Variants in ERC1 observed in about 807,000 individuals in gnomAD.
ERC1 encodes RAB6 interacting protein 2.
ERC1 carries 56 observed loss-of-function variants against 132.0 expected under a neutral mutation model. The observed-to-expected ratio is 0.42, with a 90% CI of 0.34 to 0.53. The LOEUF (loss-of-function observed/expected upper bound fraction) is 0.53. ERC1 is among the 20% of genes least tolerant of loss of function. The pLI is 0.03. For synonymous variants in ERC1, 478 were observed against 476.1 expected (o/e 1.00, Z -0.05); for missense variants, 1,202 against 1,349.9 (o/e 0.89, Z 1.72).
chr12:1,023,184 A>G (rs1011320249), intron 1 of ERC1, among the ~76,000 whole-genome samples: 1 of 152,188 alleles, frequency 6.6e-6, no homozygotes, highest in Non-Finnish European at 1.5e-5. Flanking sequence ...AGTTGTTTTA[A>G]TTCAGGTAGG....
At chr12:1,280,757 C>G (rs1298280738) in intron 14 of ERC1, among the ~76,000 whole-genome samples, 1 of 152,230 alleles carries the variant, frequency 6.6e-6, no homozygotes, top group African/African-American at 2.4e-5. Flanking sequence ...CATACATACA[C>G]ATATTATACA....
At chr12:1,313,694 T>A (rs556166541) in intron 15 of ERC1, among the ~76,000 whole-genome samples, 5,265 of 151,276 alleles carry the variant, frequency 0.035, 98 homozygotes, top group Middle Eastern at 0.075. Context: ...ATTCTAAAAT[T>A]TTTTTTTTTG....
chr12:1,082,019 C>T (rs1005026681), intron 2 of ERC1, among the ~76,000 whole-genome samples: 2 of 113,942 alleles, frequency 1.8e-5, no homozygotes, highest in Non-Finnish European at 4.2e-5. Flanking sequence ...CGCTGTCCTT[C>T]GGTTTTGCTT....
intron 14 of ERC1, among the ~76,000 whole-genome samples, chr12:1,279,897 T>C (rs2078557587): frequency 6.6e-6 from 1 of 152,126 alleles, no homozygotes; most frequent in Non-Finnish European, 1.5e-5. Context: ...GGTTTCACCA[T>C]GTTGGCCAGG....
intron 2 of ERC1, among the ~76,000 whole-genome samples, chr12:1,065,214 T>C (rs959399635): frequency 6.6e-6 from 1 of 152,100 alleles, no homozygotes; most frequent in African/African-American, 2.4e-5. Flanking sequence ...ATGGCCAGGC[T>C]GGTCTCAAAC....
At chr12:1,183,119 G>C (rs370287822) in intron 10 of ERC1, among the ~76,000 whole-genome samples, 162 bp from the exon 11 acceptor site, 7 of 152,280 alleles carry the variant, frequency 4.6e-5, no homozygotes, top group African/African-American at 1.7e-4. Context: ...TTGAAAGCTA[G>C]AGCTAATATT....
chr12:1,099,679 A>G (rs1197884523), intron 3 of ERC1, among the ~76,000 whole-genome samples: 1 of 152,188 alleles, frequency 6.6e-6, no homozygotes, highest in Non-Finnish European at 1.5e-5. Context: ...AGAGAATAAA[A>G]AAGAAAAATT....
intron 17 of ERC1, among the ~76,000 whole-genome samples, chr12:1,440,323 GCCTC>G (rs1440769240): frequency 6.9e-6 from 1 of 145,134 alleles, no homozygotes; most frequent in East Asian, 2.1e-4. Context: ...TCCTGCCTCA[GCCTC>G]CCGAGTAGCT....
intron 8 of ERC1, among the ~76,000 whole-genome samples, chr12:1,171,254 G>A (rs762430535): frequency 7.9e-5 from 12 of 151,640 alleles, no homozygotes; most frequent in Non-Finnish European, 1.3e-4. Context: ...TTAAAACATT[G>A]CTTAGAGTTT....
At chr12:1,209,796 G>A (rs961625819) in intron 12 of ERC1, among the ~76,000 whole-genome samples, 19 of 152,246 alleles carry the variant, frequency 1.2e-4, no homozygotes, top group Middle Eastern at 3.4e-3. Context: ...GTGAGTTAAC[G>A]TTTTTCAAAT....
At chr12:1,355,364 G>C (rs1270387516) in intron 15 of ERC1, among the ~76,000 whole-genome samples, 7 of 151,690 alleles carry the variant, frequency 4.6e-5, no homozygotes, top group Non-Finnish European at 2.9e-5. Flanking sequence ...GCCATTCTTT[G>C]CTCATGGGCC....
At chr12:1,195,909 C>A (rs1956188569) in intron 12 of ERC1, among the ~76,000 whole-genome samples, 1 of 123,900 alleles carries the variant, frequency 8.1e-6, no homozygotes, top group Non-Finnish European at 1.6e-5. Flanking sequence ...TGGAAGCAAT[C>A]ATTTTGAAAA....
intron 12 of ERC1, among the ~76,000 whole-genome samples, chr12:1,218,941 C>T (rs1051744123): frequency 3.3e-5 from 5 of 151,954 alleles, no homozygotes; most frequent in African/African-American, 1.2e-4. Context: ...GGTGCCATCT[C>T]AGCTCACTGC....
intron 8 of ERC1, chr12:1,152,131 C>G (rs1245337564): frequency 1.3e-5 from 2 of 149,878 alleles, no homozygotes; most frequent in Non-Finnish European, 3.0e-5. Context: ...ACCTGGGAGG[C>G]GGAGGTTGCA....
intron 15 of ERC1, among the ~76,000 whole-genome samples, chr12:1,317,256 G>C (rs1321428752): frequency 6.6e-6 from 1 of 151,900 alleles, no homozygotes; most frequent in South Asian, 2.1e-4. Flanking sequence ...CCTTTGCAGG[G>C]ACATGGATGA....
At chr12:1,051,295 T>C (rs1209104543) in intron 2 of ERC1, among the ~76,000 whole-genome samples, 1 of 152,144 alleles carries the variant, frequency 6.6e-6, no homozygotes, top group Non-Finnish European at 1.5e-5. Context: ...TAATGTATAT[T>C]CTGGGTTGAG....
rs189975669 is a variant in ERC1 at position 1,388,458 on chromosome 12, G to A, written c.2925+16481G>A. On this transcript the variant is annotated intron_variant, in intron 16 of 18. Coordinates refer to ENST00000360905, the MANE Select transcript of ERC1 (RefSeq NM_178040.4). Reference sequence around the variant, plus strand: ...TGAAGCATGAAGCATCCTGAGATCAGGGAGCCATAGAAGGCTTCTTATTAC... The same window carrying A: ...TGAAGCATGAAGCATCCTGAGATCAAGGAGCCATAGAAGGCTTCTTATTAC... Among the ~76,000 whole-genome samples the A allele has an allele frequency of 8.7e-4, 133 of 152,166 alleles. 1 individual carries two copies. Among genetic ancestry groups the A allele is most frequent in the Non-Finnish European group, 1.2e-3 (79 of 67,996 alleles).
At chr12:1,030,996 T>A (rs1014576635) in intron 2 of ERC1, among the ~76,000 whole-genome samples, 8 of 152,320 alleles carry the variant, frequency 5.3e-5, no homozygotes, top group African/African-American at 1.7e-4. Context: ...TCTCTGTCAT[T>A]AAGCAACATA....
At chr12:1,335,115 C>T (rs750194705) in intron 15 of ERC1, among the ~76,000 whole-genome samples, 11 of 152,034 alleles carry the variant, frequency 7.2e-5, no homozygotes, top group African/African-American at 1.4e-4. Flanking sequence ...TATCACCTTA[C>T]GAAGATTTTG....
Sources: allele counts gnomAD v4.1 joint callset (sites outside exome capture counted in the v4.1 genomes callset), GRCh38; gene constraint gnomAD v4.1.1; transcripts MANE v1.5; gene names NCBI Gene and HGNC (gene_info 2026-07-23, HGNC 2026-07-21).